Variants in COL18A1 observed in about 807,000 individuals in gnomAD.
COL18A1 encodes collagen alpha-1(XVIII) chain.
In COL18A1, 133 loss-of-function variants were observed where a neutral mutation model predicts 168.0. The observed-to-expected ratio is 0.79, with a 90% CI of 0.69 to 0.91. The LOEUF (loss-of-function observed/expected upper bound fraction) is 0.91, where lower values mean the gene tolerates loss of function less well. Ranked by LOEUF, COL18A1 falls within the 40% of genes least tolerant of loss-of-function variation. COL18A1 has a pLI of 0.00. For synonymous variants in COL18A1, 949 were observed against 809.0 expected (o/e 1.17, Z -2.94); for missense variants, 2,126 against 1,925.4 (o/e 1.10, Z -1.95).
At chr21:45,506,227 G>T (rs2037194190) in intron 37 of COL18A1, 1 of 509,724 alleles carries the variant, frequency 2.0e-6, no homozygotes, top group Non-Finnish European at 3.6e-6. Context: ...ATGTCACAGT[G>T]AACGTTTACA....
rs763670793 is a variant in COL18A1, at chr21:45,456,013, C to T, written c.107-12229C>T. Reference sequence around the variant, plus strand: ...CCCTCGCTGGGCCTTCCAGCACCCCCCAGGAGAATGGGACCACTCTCTGGC... The same window carrying T: ...CCCTCGCTGGGCCTTCCAGCACCCCTCAGGAGAATGGGACCACTCTCTGGC... On this transcript the variant is annotated intron_variant, in intron 2 of 41. Transcript: ENST00000651438. The T allele has an allele frequency of 1.7e-5, 27 of 1,612,468 alleles. No individual in the cohort carries two copies. The East Asian group carries it at 6.0e-4, about 36-fold the overall frequency.
At chr21:45,500,765 GGTGTGT>G (rs369596042) in intron 32 of COL18A1, among the ~76,000 whole-genome samples, 68 of 3,410 alleles carry the variant, frequency 0.02, no homozygotes, top group Non-Finnish European at 0.024. Flanking sequence ...GGTGTGGTTT[GGTGTGT>G]GTGTGTTGGG....
At chr21:45,505,013 G>A in intron 34 of COL18A1, 121 bp from the exon 35 acceptor site, 1 of 1,276,694 alleles carries the variant, frequency 7.8e-7, no homozygotes, top group Middle Eastern at 1.8e-4. Context: ...GCAGGGAGGG[G>A]ACCGGTGACT....
Position 45,456,688 on chromosome 21 carries a change from C to G in COL18A1, c.107-11554C>G. 6.5e-7 allele frequency: 1 copy of G among 1,532,132 alleles called. No individual in the cohort carries two copies. Among genetic ancestry groups the G allele is most frequent in the Non-Finnish European group, 8.8e-7 (1 of 1,142,560 alleles). 94.9% of individuals were successfully genotyped at this position (1,532,132 alleles called of 1,614,324 possible). On this transcript the variant is annotated intron_variant, in intron 2 of 41. Coordinates refer to ENST00000651438, the MANE Select transcript of COL18A1 (RefSeq NM_001379500.1). ...AGACGCACTGCCACCCCTTCCTCGC[C>G]TGGTTCTTCTGCCTGCTGCTGGTCC...
At chr21:45,466,016 C>T (rs371981268) in intron 2 of COL18A1, among the ~76,000 whole-genome samples, 12 of 152,106 alleles carry the variant, frequency 7.9e-5, no homozygotes, top group African/African-American at 2.9e-4. Context: ...AGGTGTCAGA[C>T]AAAGCCGAGC....
At chr21:45,437,615 C>A (rs1413069118) in intron 2 of COL18A1, among the ~76,000 whole-genome samples, 1 of 75,922 alleles carries the variant, frequency 1.3e-5, no homozygotes, top group Non-Finnish European at 2.3e-5. Flanking sequence ...GACACACAGG[C>A]ACTCTCCTGC....
chr21:45,496,784 G>A (rs1034123576), intron 30 of COL18A1, among the ~76,000 whole-genome samples: 2 of 152,248 alleles, frequency 1.3e-5, no homozygotes, highest in Non-Finnish European at 2.9e-5. Flanking sequence ...CTTCCAGCTG[G>A]CTCTGCTAAG....
rs2036161903 is a variant in COL18A1, at chr21:45,487,610, A to G, written c.1896+101A>G. ...AGCCACCGGCCTTGCATGGGATCGG[A>G]AGCCGCCCTGCAGAGCCGTGAGGAC... On this transcript the variant is annotated intron_variant, in intron 17 of 41. Transcript: ENST00000651438. The G allele has an allele frequency of 2.0e-6, 3 of 1,487,952 alleles. No individual in the cohort carries two copies. In the South Asian group the frequency reaches 3.4e-5, roughly 17 times the overall value. 92.2% of individuals were successfully genotyped at this position (1,487,952 alleles called of 1,614,324 possible).
chr21:45,433,633 A>G (rs1315672986), intron 2 of COL18A1, among the ~76,000 whole-genome samples: 1 of 151,868 alleles, frequency 6.6e-6, no homozygotes, highest in Non-Finnish European at 1.5e-5. Context: ...TTTTGAAGTC[A>G]CCCCTGGGGG....
Position 45,495,439 on chromosome 21 carries a change from G to C in COL18A1, c.2508+7G>C. ...CCTTGGATTTGGCATGAGGGTGAGTGTCTCTCAAGGGGCGGACTGGGTGGC... is the reference window on the plus strand; with the variant it reads ...CCTTGGATTTGGCATGAGGGTGAGTCTCTCTCAAGGGGCGGACTGGGTGGC... On this transcript the variant is annotated splice_region_variant and intron_variant, in intron 29 of 41. Transcript: ENST00000651438. The C allele has an allele frequency of 6.2e-7, 1 of 1,603,562 alleles. No homozygotes were observed. Among genetic ancestry groups the C allele is most frequent in the Middle Eastern group, 1.7e-4 (1 of 6,044 alleles).
chr21:45,476,313 C>A, intron 5 of COL18A1, 38 bp from the exon 6 acceptor site: 2 of 1,613,138 alleles, frequency 1.2e-6, no homozygotes, highest in East Asian at 4.5e-5. Flanking sequence ...GGGCATCTGC[C>A]GGCCGAATAA....
In COL18A1 at chr21:45,473,733, C is replaced by G. The variant is rs1057297934; in HGVS notation, c.652-162C>G. Among the ~76,000 whole-genome samples, 3 of 152,304 alleles carry G rather than the reference C, an allele frequency of 2.0e-5. No individual in the cohort carries two copies. In the South Asian group the frequency reaches 6.2e-4, roughly 32 times the overall value. On this transcript the variant is annotated intron_variant, in intron 3 of 41. Coordinates refer to ENST00000651438, the MANE Select transcript of COL18A1 (RefSeq NM_001379500.1). This position sits in a 1 kb window ranked among gnomAD's most constrained non-coding sequence, Gnocchi z 4.0. ...CCTGGGTCTCACCACTTCTTCCTAC[C>G]ATGAGGCATACCGCACCCCCAGGGA... is the stretch of plus-strand genomic sequence containing the variant.
chr21:45,467,324 C>T (rs1007658556), intron 2 of COL18A1: 1 of 985,328 alleles, frequency 1.0e-6, no homozygotes, highest in African/African-American at 1.7e-5. Flanking sequence ...TGAAGTCAAG[C>T]TCCGCCTGGG....
In COL18A1 at chr21:45,507,571, G is replaced by A. The variant is rs779505082; in HGVS notation, c.3227G>A (p.Arg1076Gln). 38 of 1,612,908 alleles carry A rather than the reference G, an allele frequency of 2.4e-5. No individual in the cohort carries two copies. The South Asian group carries it at 3.1e-4, about 13-fold the overall frequency. ...NGFRKVQLEA[R>Q]TPLPRGTDNE... Reference sequence around the variant, plus strand: ...GCTGCTTTCTTCCAGCTGGAGGCCCGGACACCACTCCCACGAGGGACGGTA... The same window carrying A: ...GCTGCTTTCTTCCAGCTGGAGGCCCAGACACCACTCCCACGAGGGACGGTA... Residue 1076 changes from arginine to glutamine, a missense_variant, in exon 38 of 42, where the codon CGG becomes CAG. By Grantham distance (43) the Arg-to-Gln change is conservative (BLOSUM62 1). Transcript: ENST00000651438.
intron 2 of COL18A1, among the ~76,000 whole-genome samples, chr21:45,434,324 G>T (rs1214539314): frequency 6.6e-6 from 1 of 152,176 alleles, no homozygotes; most frequent in Non-Finnish European, 1.5e-5. Flanking sequence ...GCTGGGACGG[G>T]CGCAGGAGCT....
intron 13 of COL18A1, 55 bp downstream of exon 13, chr21:45,480,913 G>A (rs2035869154): frequency 6.4e-6 from 10 of 1,562,468 alleles, no homozygotes; most frequent in Non-Finnish European, 8.6e-6. Context: ...GGAGTGAGGG[G>A]TGAACACCCC....
chr21:45,405,308 G>GCGGGGGTCGCGGGGGTCC (rs1370749163), intron 1 of COL18A1, 67 bp downstream of exon 1: 9 of 545,006 alleles, frequency 1.7e-5, no homozygotes, highest in African/African-American at 1.0e-4. Flanking sequence ...CGCGGGGGTC[G>GCGGGGGTCGCGGGGGTCC]CGGGGCTCGG....
chr21:45,449,817 G>A (rs77212640), intron 2 of COL18A1, among the ~76,000 whole-genome samples: 2 of 152,304 alleles, frequency 1.3e-5, no homozygotes, highest in South Asian at 2.1e-4. Context: ...GGTTGTGCCC[G>A]GTGGCCAGGT....
chr21:45,476,415 G>A lies in COL18A1; in HGVS notation c.863G>A (p.Gly288Asp). 1 of 1,614,178 alleles carries A rather than the reference G, an allele frequency of 6.2e-7. No individual in the cohort carries two copies. Among genetic ancestry groups the A allele is most frequent in the East Asian group, 2.2e-5 (1 of 44,880 alleles). ...GTCACCACGCCACCCTTGGCTGGAG[G>A]CAGCAGCACGGAAGATTCCAGAAGT... ...PPVTTPPLAG[G>D]SSTEDSRSEE... is the part of the protein sequence containing the mutation. Residue 288 changes from glycine (G) to aspartate (D), a missense_variant, in exon 6 of 42, where the codon GGC becomes GAC. Transcript: ENST00000651438.
Sources: gnomAD v4.1 joint callset for allele counts (sites outside exome capture counted in the v4.1 genomes callset) on GRCh38, gnomAD v4.1.1 for gene constraint, Gnocchi (gnomAD v3.1) non-coding constraint, MANE v1.5 for transcripts, NCBI Gene and HGNC (gene_info 2026-07-23, HGNC 2026-07-21) for gene names.